TFDP1: variants seen among roughly 807,000 people sequenced by gnomAD.
TFDP1 encodes the protein transcription factor Dp-1.
TFDP1 carries 6 observed loss-of-function variants against 48.0 expected under a neutral mutation model. The observed-to-expected ratio is 0.13, with a 90% confidence interval of 0.07 to 0.25. The LOEUF (loss-of-function observed/expected upper bound fraction) is 0.25. Ranked by LOEUF, TFDP1 falls within the 10% of genes least tolerant of loss-of-function variation. The pLI, the probability that TFDP1 is intolerant of heterozygous loss-of-function variation, is 1.00. For synonymous variants in TFDP1, 201 were observed against 211.6 expected, an observed-to-expected ratio of 0.95 and a Z score of 0.44; for missense variants, 335 against 543.0, an observed-to-expected ratio of 0.62 and a Z score of 3.81.
chr13:113,594,610 A>G (rs1024306262), intron 2 of TFDP1, among the ~76,000 whole-genome samples: 8 of 152,306 alleles, frequency 5.3e-5, no homozygotes, highest in Admixed American at 5.2e-4. Context: ...CCCAGGTGAC[A>G]GGTGTCCCGT....
At chr13:113,631,851 C>T (rs1028102121) in intron 5 of TFDP1, 107 bp downstream of exon 5, 128 of 1,427,794 alleles carry the variant, frequency 9.0e-5, no homozygotes, top group Middle Eastern at 5.4e-4. Flanking sequence ...GGGGCTCCCA[C>T]GCGCGTTGAC....
chr13:113,613,603 C>T (rs1425267709), intron 3 of TFDP1, among the ~76,000 whole-genome samples: 4 of 132,836 alleles, frequency 3.0e-5, no homozygotes, highest in Non-Finnish European at 6.3e-5. Context: ...TGTGTGTATG[C>T]GTGAATGCGT....
rs535310893 is a variant in TFDP1, at chr13:113,607,288, G to A, written c.13-3708G>A. Among the ~76,000 whole-genome samples the A allele has an allele frequency of 3.9e-5, 6 of 152,382 alleles. No individual in the cohort carries two copies. The highest frequency in any genetic ancestry group is 4.1e-4 in the South Asian group (2 of 4,832). On this transcript the variant is annotated intron_variant, in intron 2 of 11. Coordinates refer to ENST00000375370, the MANE Select transcript of TFDP1 (RefSeq NM_007111.5). This position sits in a 1 kb window ranked among gnomAD's most constrained non-coding sequence, Gnocchi z 5.2. ...AGAAAGCTGAGGAAAGGGGCCAGCC[G>A]TGAGCTGCGGGTGCTTGCCAGGGAT...
chr13:113,601,965 C>T (rs12875222), intron 2 of TFDP1, among the ~76,000 whole-genome samples: 461 of 46,024 alleles, frequency 0.01, 6 homozygotes, highest in African/African-American at 0.043. Context: ...CCTCTGTAGC[C>T]CTGTAGCGGA....
intron 5 of TFDP1, among the ~76,000 whole-genome samples, chr13:113,632,919 G>A (rs988655948): frequency 3.9e-5 from 6 of 152,354 alleles, no homozygotes; most frequent in South Asian, 2.1e-4. Flanking sequence ...GGAGACACTC[G>A]CTTTCTGACC....
At chr13:113,592,828 G>A (rs1425413508) in intron 2 of TFDP1, among the ~76,000 whole-genome samples, 1 of 151,892 alleles carries the variant, frequency 6.6e-6, no homozygotes, top group African/African-American at 2.4e-5. Context: ...CAGGTGACAG[G>A]TGTGGTGTGT....
rs1024134567 is a variant in TFDP1, at chr13:113,627,151, C to T, written c.186+3865C>T. Among the ~76,000 whole-genome samples the T allele has an allele frequency of 1.3e-5, 2 of 152,096 alleles. No homozygotes were observed. The highest frequency in any genetic ancestry group is 6.5e-5 in the Admixed American group (1 of 15,274). On this transcript the variant is annotated intron_variant, in intron 4 of 11. Transcript: ENST00000375370. This position sits in a 1 kb window ranked among gnomAD's most constrained non-coding sequence, Gnocchi z 4.1. ...AAAACTGGACTGGCTCATTCTGACA[C>T]GAGGGGTGGGGCTCAGTCCGGGCAT...
chr13:113,631,576 C>T, intron 4 of TFDP1, 47 bp from the exon 5 acceptor site: 1 of 1,582,496 alleles, frequency 6.3e-7, no homozygotes, highest in Non-Finnish European at 8.6e-7. Context: ...GGCACCCTCG[C>T]CGTGTGGGAG....
At chr13:113,605,014 T>G (rs2048529708) in intron 2 of TFDP1, among the ~76,000 whole-genome samples, 1 of 152,216 alleles carries the variant, frequency 6.6e-6, no homozygotes, top group Non-Finnish European at 1.5e-5. Flanking sequence ...CTGAGCTTCC[T>G]CTTGGCTGTG....
chr13:113,631,914 C>A, intron 5 of TFDP1, 170 bp downstream of exon 5: 1 of 895,084 alleles, frequency 1.1e-6, no homozygotes, highest in Non-Finnish European at 1.6e-6. Flanking sequence ...AGGTGTGCAG[C>A]CGAGGCGCAC....
chr13:113,600,186 G>T (rs2048378453), intron 2 of TFDP1, among the ~76,000 whole-genome samples: 1 of 150,792 alleles, frequency 6.6e-6, no homozygotes. Context: ...GAGAATCCTT[G>T]CACGTAGGGC....
At chr13:113,621,477 T>C (rs1262986365) in intron 3 of TFDP1, among the ~76,000 whole-genome samples, 1 of 152,228 alleles carries the variant, frequency 6.6e-6, no homozygotes, top group Non-Finnish European at 1.5e-5. Flanking sequence ...ATCTTAGATA[T>C]GATTATATAT....
rs1157101772 is a variant in TFDP1, at chr13:113,584,788, A to AACG, written c.-165_-164insACG. 2.4e-4 allele frequency: 35 copies of AACG among 145,106 alleles called. No individual in the cohort carries two copies. The highest frequency in any genetic ancestry group is 1.2e-4 in the Non-Finnish European group (8 of 65,574). 9.0% of individuals were successfully genotyped at this position (145,106 alleles called of 1,614,324 possible). On this transcript the variant is annotated 5_prime_UTR_variant, in exon 1 of 12. Coordinates refer to ENST00000375370, the MANE Select transcript of TFDP1 (RefSeq NM_007111.5). Reference sequence around the variant, plus strand: ...GGGCAGGGACCCCGCCACGGCCGGGACCGCCCGGCCCGGCCCCAGCCCGCG... The same window carrying AACG: ...GGGCAGGGACCCCGCCACGGCCGGGAACGCCGCCCGGCCCGGCCCCAGCCCGCG...
chr13:113,624,333 C>G (rs2049067596), intron 4 of TFDP1, among the ~76,000 whole-genome samples: 1 of 148,778 alleles, frequency 6.7e-6, no homozygotes, highest in African/African-American at 2.6e-5. Context: ...CCTCACGTGT[C>G]TCTCGGGTGT....
intron 2 of TFDP1, among the ~76,000 whole-genome samples, chr13:113,593,187 G>A (rs1371340629): frequency 1.4e-5 from 2 of 142,896 alleles, no homozygotes; most frequent in Non-Finnish European, 1.5e-5. Flanking sequence ...CAGGTGACAG[G>A]TGTGCTGTGT....
intron 4 of TFDP1, among the ~76,000 whole-genome samples, chr13:113,624,366 C>T (rs1055923040): frequency 1.3e-5 from 2 of 150,920 alleles, no homozygotes; most frequent in African/African-American, 4.9e-5. Flanking sequence ...CCCAGGCATC[C>T]TCACGTGTCC....
At chr13:113,637,327 C>CGCCGTATCATTA in intron 10 of TFDP1, 2 of 309,914 alleles carry the variant, frequency 6.5e-6, no homozygotes, top group African/African-American at 2.2e-5. Flanking sequence ...CTGAGAGGGT[C>CGCCGTATCATTA]AGAGATTCCT....
In TFDP1 at chr13:113,598,548, C is replaced by T. The variant is rs990874098; in HGVS notation, c.13-12448C>T. Among the ~76,000 whole-genome samples, 49 of 152,270 alleles carry T rather than the reference C, an allele frequency of 3.2e-4. 1 individual carries two copies. Among genetic ancestry groups the T allele is most frequent in the Admixed American group, 3.1e-3 (48 of 15,298 alleles). On this transcript the variant is annotated intron_variant, in intron 2 of 11. Transcript: ENST00000375370. The surrounding 1 kb of genome is among the most constrained non-coding windows in gnomAD (Gnocchi z 4.2). ...GGTTCTGGTGCCCCCGAAGCACAGC[C>T]CCACCTCCCTAACCTGCCCTCCTGT...
At position 113,597,845 on chromosome 13, in the gene TFDP1, G is replaced by A. The variant is rs146740517; in HGVS notation, c.12+11996G>A. Among the ~76,000 whole-genome samples the A allele has an allele frequency of 8.2e-3, 1,248 of 152,280 alleles. 16 individuals carry two copies. The highest frequency in any genetic ancestry group is 0.028 in the African/African-American group (1,180 of 41,538). On this transcript the variant is annotated intron_variant, in intron 2 of 11. Transcript: ENST00000375370. ...CATCCAGACACGCTGGGGACTCTGC[G>A]GCCTCTGTCTTTGCCCCAGTGTTGC...
Sources: allele counts gnomAD v4.1 joint callset (sites outside exome capture counted in the v4.1 genomes callset), GRCh38; gene constraint gnomAD v4.1.1; non-coding constraint Gnocchi (gnomAD v3.1); transcripts MANE v1.5; gene names NCBI Gene and HGNC (gene_info 2026-07-23, HGNC 2026-07-21).